Variants in CTNND2 observed in about 807,000 individuals in gnomAD.
The protein encoded by CTNND2 is catenin delta-2.
In CTNND2, 22 loss-of-function variants were observed where a neutral mutation model predicts 144.4. The ratio of observed to expected loss-of-function variants is 0.15; its 90% CI spans 0.11 to 0.22. The LOEUF is 0.22. Ranked by LOEUF, CTNND2 falls within the 10% of genes least tolerant of loss-of-function variation. The probability of loss-of-function intolerance (pLI) is 1.00; values close to 1 mark genes in which losing one functional copy is unlikely to be tolerated. For missense variants in CTNND2, 1,353 were observed against 1,618.8 expected (o/e 0.84, Z 2.82); for synonymous variants, 751 against 695.6 (o/e 1.08, Z -1.25).
At chr5:10,977,484 G>A (rs568501499) in intron 21 of CTNND2, among the ~76,000 whole-genome samples, 22 of 151,244 alleles carry the variant, frequency 1.5e-4, no homozygotes, top group African/African-American at 4.6e-4. Context: ...ACAGGGTCTC[G>A]CTTTGTCACT....
chr5:11,581,724 G>C (rs1561585376), intron 2 of CTNND2, among the ~76,000 whole-genome samples: 1 of 152,118 alleles, frequency 6.6e-6, no homozygotes, highest in Non-Finnish European at 1.5e-5. Flanking sequence ...ACAGGACAAG[G>C]ATAAATGTCT....
intron 2 of CTNND2, among the ~76,000 whole-genome samples, chr5:11,683,198 G>A (rs1406907216): frequency 6.6e-6 from 1 of 152,154 alleles, no homozygotes; most frequent in Non-Finnish European, 1.5e-5. Flanking sequence ...ATGTAATGGA[G>A]ACTCAAGACA....
At chr5:11,644,194 C>A (rs1182977650) in intron 2 of CTNND2, among the ~76,000 whole-genome samples, 1 of 151,854 alleles carries the variant, frequency 6.6e-6, no homozygotes, top group African/African-American at 2.4e-5. Context: ...TGAAAAAAAA[C>A]CTAGATAATA....
chr5:11,497,347 A>G (rs1214128687), intron 3 of CTNND2, among the ~76,000 whole-genome samples: 1 of 152,080 alleles, frequency 6.6e-6, no homozygotes, highest in Non-Finnish European at 1.5e-5. Flanking sequence ...CACATAAAGA[A>G]CGATGCAAAT....
chr5:11,904,132 G>A lies in CTNND2; in HGVS notation c.-279C>T, dbSNP rs1246832884. 6.8e-6 allele frequency: 1 copy of A among 146,524 alleles called. No homozygotes were observed. The highest frequency in any genetic ancestry group is 1.5e-5 in the Non-Finnish European group (1 of 66,652). The allele number at this position is 146,524 out of a possible 1,614,324, so 9.1% of individuals were successfully genotyped here. A position where few individuals can be genotyped will look rare whatever the true frequency, so the allele number is the denominator to read the frequency against. ...CTCCGCGGGCTCCACGGGCTCCTGCGGGCTCCTCGGGGCTCCGGGCGCCGC... is the reference window on the plus strand; with the variant it reads ...CTCCGCGGGCTCCACGGGCTCCTGCAGGCTCCTCGGGGCTCCGGGCGCCGC... On this transcript the variant is annotated 5_prime_UTR_variant, in exon 1 of 22. Coordinates refer to ENST00000304623, the MANE Select transcript of CTNND2 (RefSeq NM_001332.4). This position sits in a 1 kb window ranked among gnomAD's most constrained non-coding sequence, Gnocchi z 4.2.
intron 1 of CTNND2, among the ~76,000 whole-genome samples, chr5:11,790,876 G>A (rs893733866): frequency 5.3e-5 from 8 of 152,170 alleles, no homozygotes; most frequent in African/African-American, 1.7e-4. Context: ...AGATAGATAC[G>A]TTGAGGGCTT....
intron 3 of CTNND2, among the ~76,000 whole-genome samples, chr5:11,488,354 A>G (rs1769044156): frequency 6.6e-6 from 1 of 152,150 alleles, no homozygotes; most frequent in Non-Finnish European, 1.5e-5. Context: ...ATGTCATGTC[A>G]TATCTCGCTA....
At chr5:11,214,016 T>C (rs1290541492) in intron 10 of CTNND2, among the ~76,000 whole-genome samples, 1 of 152,192 alleles carries the variant, frequency 6.6e-6, no homozygotes, top group African/African-American at 2.4e-5. Flanking sequence ...CTTTTTTTCT[T>C]GTAACCCACC....
chr5:11,234,510 C>T (rs1198720482), intron 10 of CTNND2, among the ~76,000 whole-genome samples: 2 of 152,198 alleles, frequency 1.3e-5, no homozygotes, highest in East Asian at 3.9e-4. Context: ...GGAAGCTCAT[C>T]CATCTGCCAT....
chr5:11,869,009 T>A (rs1454832586), intron 1 of CTNND2, among the ~76,000 whole-genome samples: 1 of 151,988 alleles, frequency 6.6e-6, no homozygotes, highest in Non-Finnish European at 1.5e-5. Context: ...ACACCCAACA[T>A]CAACAGTCAT....
intron 3 of CTNND2, among the ~76,000 whole-genome samples, chr5:11,502,172 C>T (rs1357900862): frequency 1.3e-5 from 2 of 151,234 alleles, no homozygotes; most frequent in South Asian, 2.1e-4. Flanking sequence ...ACACTTCCAA[C>T]GTCCAGAACT....
chr5:11,618,550 T>C (rs16901808), intron 2 of CTNND2, among the ~76,000 whole-genome samples: 2,768 of 152,336 alleles, frequency 0.018, 78 homozygotes, highest in African/African-American at 0.06. Context: ...CACAGGTGCA[T>C]GCACATATAT....
Position 11,082,765 on chromosome 5 carries a change from G to T in CTNND2, c.2719C>A (p.Arg907Ser). ...LVELLRIDND[R>S]VVCAVATALR... is the part of the protein sequence containing the mutation. ...GCAGTGGCCACCGCGCACACCACAC[G>T]GTCATTGTCTATTCGGAGCAGCTCC... The change falls in exon 16 of 22, where the codon CGT becomes AGT. Residue 907 changes from arginine to serine, a missense_variant. Arg to Ser is a moderately radical substitution (Grantham distance 110, BLOSUM62 -1). This residue lies in a region of CTNND2 where 459 missense variants were observed against 674.3 expected (regional missense o/e 0.68). Coordinates refer to ENST00000304623, the MANE Select transcript of CTNND2 (RefSeq NM_001332.4). The T allele has an allele frequency of 1.2e-6, 2 of 1,614,138 alleles. No homozygotes were observed. The highest frequency in any genetic ancestry group is 8.5e-7 in the Non-Finnish European group (1 of 1,180,014).
At chr5:11,819,490 C>A (rs551617291) in intron 1 of CTNND2, among the ~76,000 whole-genome samples, 114 of 152,190 alleles carry the variant, frequency 7.5e-4, no homozygotes, top group Non-Finnish European at 1.1e-3. Flanking sequence ...ATGAAGAAAA[C>A]CCTGCAAAAC....
intron 1 of CTNND2, among the ~76,000 whole-genome samples, chr5:11,901,496 T>C (rs1737877712): frequency 6.6e-6 from 1 of 152,252 alleles, no homozygotes; most frequent in South Asian, 2.1e-4. Context: ...AATTGGCTTA[T>C]ATTCTATTGT....
chr5:11,063,465 A>G (rs1747220583), intron 16 of CTNND2, among the ~76,000 whole-genome samples: 1 of 152,228 alleles, frequency 6.6e-6, no homozygotes, highest in Admixed American at 6.5e-5. Flanking sequence ...ACCATAAGAA[A>G]TATTTACAAT....
At chr5:11,558,592 A>G (rs1776432520) in intron 3 of CTNND2, among the ~76,000 whole-genome samples, 1 of 151,778 alleles carries the variant, frequency 6.6e-6, no homozygotes. Context: ...CTAGTCTCGC[A>G]CTCCTGGGCT....
chr5:11,033,887 A>G (rs1265816652), intron 16 of CTNND2, among the ~76,000 whole-genome samples: 1 of 152,204 alleles, frequency 6.6e-6, no homozygotes, highest in Non-Finnish European at 1.5e-5. Flanking sequence ...AAGGAAAAAC[A>G]CAAAGAAATT....
At chr5:11,453,776 CTCT>C (rs1322361536) in intron 3 of CTNND2, among the ~76,000 whole-genome samples, 1 of 151,924 alleles carries the variant, frequency 6.6e-6, no homozygotes, top group African/African-American at 2.4e-5. Flanking sequence ...TAACATGAAT[CTCT>C]TTTTTTTTTG....
Sources: allele counts gnomAD v4.1 joint callset (sites outside exome capture counted in the v4.1 genomes callset), GRCh38; gene constraint gnomAD v4.1.1; regional missense constraint gnomAD v4.1.1; non-coding constraint Gnocchi (gnomAD v3.1); transcripts MANE v1.5; gene names NCBI Gene and HGNC (gene_info 2026-07-23, HGNC 2026-07-21).